The following TOP6BL variants were observed in gnomAD, a reference collection of about 807,000 sequenced individuals.
The protein encoded by TOP6BL is type 2 DNA topoisomerase 6 subunit B-like.
chr11:66,773,148 C>T, the TOP6BL span, among the ~76,000 whole-genome samples: 1 of 152,108 alleles, frequency 6.6e-6, no homozygotes, highest in African/African-American at 2.4e-5. Flanking sequence ...CAGCTCATTG[C>T]AGCTTTGACC....
the TOP6BL span, among the ~76,000 whole-genome samples, chr11:66,832,137 G>T: frequency 6.8e-6 from 1 of 147,718 alleles, no homozygotes; most frequent in Non-Finnish European, 1.5e-5. Context: ...TCACTCTGTC[G>T]CCCAGGCTGG....
the TOP6BL span, chr11:66,758,945 T>C: frequency 1.3e-6 from 1 of 753,702 alleles, no homozygotes; most frequent in Non-Finnish European, 2.1e-6. Flanking sequence ...TTTTTAAATG[T>C]TCTGTGTCTG....
At chr11:66,836,025 C>T in the TOP6BL span, among the ~76,000 whole-genome samples, 1 of 152,124 alleles carries the variant, frequency 6.6e-6, no homozygotes, top group Non-Finnish European at 1.5e-5. Context: ...TGTGATGGTT[C>T]CAATTTCTCT....
At chr11:66,782,606 C>T in the TOP6BL span, among the ~76,000 whole-genome samples, 1 of 152,122 alleles carries the variant, frequency 6.6e-6, no homozygotes, top group African/African-American at 2.4e-5. Flanking sequence ...CCCAGGCAGA[C>T]ACCCAGGGAA....
the TOP6BL span, chr11:66,803,865 C>A: frequency 1.6e-6 from 1 of 638,246 alleles, no homozygotes; most frequent in Non-Finnish European, 2.5e-6. Flanking sequence ...TTATTTATTC[C>A]AACAAAACTG....
the TOP6BL span, chr11:66,800,625 A>G: frequency 6.3e-7 from 1 of 1,585,136 alleles, no homozygotes; most frequent in East Asian, 2.3e-5. Flanking sequence ...CTCACACTTA[A>G]CTTATTGTTT....
At chr11:66,804,758 T>C in the TOP6BL span, among the ~76,000 whole-genome samples, 4 of 151,898 alleles carry the variant, frequency 2.6e-5, no homozygotes, top group African/African-American at 9.7e-5. Context: ...GCCAATATGG[T>C]GAAACCCTGT....
chr11:66,793,941 A>T, the TOP6BL span, among the ~76,000 whole-genome samples: 1 of 151,932 alleles, frequency 6.6e-6, no homozygotes, highest in African/African-American at 2.4e-5. Context: ...CCCTGTCTCT[A>T]CAGAAAATTA....
the TOP6BL span, among the ~76,000 whole-genome samples, chr11:66,807,520 G>A: frequency 5.3e-5 from 8 of 152,108 alleles, no homozygotes; most frequent in African/African-American, 1.9e-4. Flanking sequence ...GCGGTGAGCC[G>A]AGATCGCGCC....
chr11:66,823,812 G>A, the TOP6BL span, among the ~76,000 whole-genome samples: 2 of 151,880 alleles, frequency 1.3e-5, no homozygotes, highest in South Asian at 2.1e-4. Flanking sequence ...GTGAGATTCC[G>A]TCTCAAAAAA....
the TOP6BL span, among the ~76,000 whole-genome samples, chr11:66,774,805 A>T: frequency 6.7e-6 from 1 of 148,542 alleles, no homozygotes; most frequent in African/African-American, 2.5e-5. Context: ...ACTCTTGGCT[A>T]TGAGTTTTAT....
the TOP6BL span, among the ~76,000 whole-genome samples, chr11:66,745,822 G>T: frequency 3.9e-5 from 5 of 127,360 alleles, no homozygotes; most frequent in Admixed American, 2.5e-4. Flanking sequence ...TTGTTTGTTT[G>T]TTTTTTGAGA....
At chr11:66,812,885 A>G in the TOP6BL span, among the ~76,000 whole-genome samples, 6 of 152,088 alleles carry the variant, frequency 3.9e-5, no homozygotes, top group South Asian at 4.1e-4. Context: ...TAAACATCCT[A>G]TAGTGCACAG....
the TOP6BL span, among the ~76,000 whole-genome samples, chr11:66,822,929 G>A: frequency 1.3e-5 from 2 of 151,814 alleles, no homozygotes; most frequent in South Asian, 2.1e-4. Context: ...AACTGAGCCC[G>A]GGATGTTGAG....
At chr11:66,804,436 A>G in the TOP6BL span, among the ~76,000 whole-genome samples, 3 of 152,338 alleles carry the variant, frequency 2.0e-5, no homozygotes, top group Admixed American at 2.0e-4. Flanking sequence ...TGAATGGTGC[A>G]CGAGGAAGAG....
chr11:66,821,988 T>G, the TOP6BL span, among the ~76,000 whole-genome samples: 17 of 152,336 alleles, frequency 1.1e-4, no homozygotes, highest in African/African-American at 3.1e-4. Context: ...GTAGGTGTGT[T>G]TGGGTAAATA....
At chr11:66,758,009 C>T in the TOP6BL span, 2 of 428,844 alleles carry the variant, frequency 4.7e-6, no homozygotes, top group Non-Finnish European at 6.2e-6. Context: ...TGATTCTCAA[C>T]CTTATTTCCC....
chr11:66,832,683 C>T, the TOP6BL span, among the ~76,000 whole-genome samples: 1 of 152,256 alleles, frequency 6.6e-6, no homozygotes, highest in Non-Finnish European at 1.5e-5. Flanking sequence ...TCAGCTGCTT[C>T]ACCGCAAATA....
chr11:66,785,498 A>G, the TOP6BL span, among the ~76,000 whole-genome samples: 1 of 152,156 alleles, frequency 6.6e-6, no homozygotes, highest in Admixed American at 6.6e-5. Flanking sequence ...CTAATTGTTC[A>G]TGATATGTTT....
Sources: gnomAD v4.1 joint callset for allele counts (sites outside exome capture counted in the v4.1 genomes callset) on GRCh38, gnomAD v4.1.1 for gene constraint, MANE v1.5 for transcripts, NCBI Gene and HGNC (gene_info 2026-07-23, HGNC 2026-07-21) for gene names.